LOXHD1: variants seen among roughly 807,000 people sequenced by gnomAD.
LOXHD1 encodes the protein lipoxygenase homology domain-containing protein 1.
A neutral mutation model predicts 248.2 loss-of-function variants in LOXHD1; 205 were observed. That is an observed-to-expected ratio of 0.83 (90% CI 0.74 to 0.93). LOXHD1 has a LOEUF of 0.93. Ranked by LOEUF, LOXHD1 falls within the 40% of genes least tolerant of loss-of-function variation. LOXHD1 has a pLI of 0.00. For missense variants in LOXHD1, 2,930 were observed against 2,971.6 expected, an observed-to-expected ratio of 0.99 and a Z score of 0.33; for synonymous variants, 1,113 against 1,162.8, an observed-to-expected ratio of 0.96 and a Z score of 0.87.
chr18:46,555,609 C>T (rs1172114458), intron 21 of LOXHD1, among the ~76,000 whole-genome samples: 1 of 152,156 alleles, frequency 6.6e-6, no homozygotes, highest in African/African-American at 2.4e-5. Flanking sequence ...GTGCCCATTA[C>T]ATTCTAGGCA....
chr18:46,579,972 T>C (rs2037933097), intron 12 of LOXHD1, among the ~76,000 whole-genome samples, 188 bp from the exon 13 acceptor site: 1 of 152,222 alleles, frequency 6.6e-6, no homozygotes, highest in African/African-American at 2.4e-5. Flanking sequence ...TCCCCAAGTC[T>C]CTTGGCCTAG....
Position 46,533,244 on chromosome 18 carries a change from A to G in LOXHD1, c.4293T>C (p.Val1431=), listed in dbSNP as rs1303288995. 6.4e-7 allele frequency: 1 copy of G among 1,551,750 alleles called. No individual in the cohort carries two copies. Among genetic ancestry groups the G allele is most frequent in the East Asian group, 2.4e-5 (1 of 40,916 alleles). The change falls in exon 28 of 41, where the codon GTT becomes GTC. Residue 1431 remains valine, a synonymous_variant. Coordinates refer to ENST00000642948, the MANE Select transcript of LOXHD1 (RefSeq NM_001384474.1). ...ATTTCTCAGTGAAGATGTCATATGGAACCAGTTCTCGAATGGTCTTTTTGT... is the reference window on the plus strand; with the variant it reads ...ATTTCTCAGTGAAGATGTCATATGGGACCAGTTCTCGAATGGTCTTTTTGT... The part of the protein sequence containing the change: ...EDDKKTIREL[V]PYDIFTEKYM...
intron 12 of LOXHD1, among the ~76,000 whole-genome samples, chr18:46,584,154 G>T (rs1196168800): frequency 6.6e-6 from 1 of 152,028 alleles, no homozygotes; most frequent in African/African-American, 2.4e-5. Flanking sequence ...AAAAGAGAGA[G>T]AGAGATAAGT....
At chr18:46,655,630 GC>G (rs1176837445) in intron 1 of LOXHD1, among the ~76,000 whole-genome samples, 7 of 152,092 alleles carry the variant, frequency 4.6e-5, no homozygotes, top group Non-Finnish European at 7.4e-5. Flanking sequence ...TCCTACTACA[GC>G]CCCCCCTTCT....
intron 28 of LOXHD1, among the ~76,000 whole-genome samples, chr18:46,532,899 T>C (rs1176409700): frequency 6.6e-6 from 1 of 152,224 alleles, no homozygotes; most frequent in Non-Finnish European, 1.5e-5. Context: ...ATTATCCCAA[T>C]GTCAGACCAG....
At chr18:46,523,810 A>G (rs2035695755) in intron 31 of LOXHD1, among the ~76,000 whole-genome samples, 1 of 152,064 alleles carries the variant, frequency 6.6e-6, no homozygotes, top group African/African-American at 2.4e-5. Context: ...ACAGAGTGAA[A>G]AGGTAAACTG....
intron 7 of LOXHD1, 40 bp downstream of exon 7, chr18:46,604,066 G>A (rs1267607296): frequency 1.3e-6 from 2 of 1,550,690 alleles, no homozygotes; most frequent in Non-Finnish European, 1.7e-6. Flanking sequence ...TAGGCAGAAA[G>A]TGAAATACCC....
chr18:46,635,415 G>A (rs749493168), intron 4 of LOXHD1, among the ~76,000 whole-genome samples: 54 of 152,146 alleles, frequency 3.5e-4, no homozygotes, highest in Non-Finnish European at 7.3e-4. Context: ...TACGCAAGGG[G>A]CAGGCAGAAA....
At chr18:46,649,357 A>C in intron 1 of LOXHD1, 88 bp from the exon 2 acceptor site, 1 of 1,138,618 alleles carries the variant, frequency 8.8e-7, no homozygotes, top group Non-Finnish European at 1.3e-6. Context: ...CTTGCTGGGG[A>C]GGCCCAAGCA....
At position 46,518,113 on chromosome 18, in the gene LOXHD1, G is replaced by T. The variant is rs2144083432; in HGVS notation, c.5399+16C>A. 6.4e-7 allele frequency: 1 copy of T among 1,551,030 alleles called. No individual in the cohort carries two copies. The highest frequency in any genetic ancestry group is 8.7e-7 in the Non-Finnish European group (1 of 1,146,958). On this transcript the variant is annotated intron_variant, in intron 34 of 40. Transcript: ENST00000642948. ...GAATGTGGGAGGGGTGAGGGGCAGG[G>T]GCCGCCTCCAGGTACCTGGCTTTCT...
intron 4 of LOXHD1, 101 bp downstream of exon 4, chr18:46,639,515 A>C: frequency 6.0e-6 from 8 of 1,341,008 alleles, no homozygotes; most frequent in Non-Finnish European, 8.1e-6. Flanking sequence ...TGCCAAGATG[A>C]GGTAGGTGAG....
Position 46,534,331 on chromosome 18 carries a change from T to C in LOXHD1, c.4212+4A>G, listed in dbSNP as rs2036210782. ...ACAGCAGGACAGACCAGTCAACAAC[T>C]CACGTCTTTATCCGGGAGGAGCCTG... On this transcript the variant is annotated splice_donor_region_variant and intron_variant, in intron 27 of 40. Transcript: ENST00000642948. The C allele has an allele frequency of 1.9e-6, 3 of 1,548,018 alleles. No homozygotes were observed. Among genetic ancestry groups the C allele is most frequent in the Middle Eastern group, 3.4e-4 (2 of 5,930 alleles).
intron 6 of LOXHD1, among the ~76,000 whole-genome samples, chr18:46,604,595 G>A (rs1440951653): frequency 1.3e-5 from 2 of 152,204 alleles, no homozygotes; most frequent in Admixed American, 1.3e-4. Flanking sequence ...GTCCTCACAG[G>A]CTGAAGGTTG....
chr18:46,548,450 G>A (rs2036943999), intron 21 of LOXHD1, among the ~76,000 whole-genome samples: 1 of 152,202 alleles, frequency 6.6e-6, no homozygotes, highest in Non-Finnish European at 1.5e-5. Context: ...CAGATGGGGT[G>A]CTGAGGGGGG....
At position 46,592,206 on chromosome 18, in the gene LOXHD1, G is replaced by A. The variant is rs372202722; in HGVS notation, c.1519-138C>T. 1.1e-4 allele frequency: 130 copies of A among 1,220,206 alleles called. No individual in the cohort carries two copies. In the African/African-American group the frequency reaches 1.2e-3, roughly 12 times the overall value. The allele number at this position is 1,220,206 out of a possible 1,614,324, so 75.6% of individuals were successfully genotyped here. On this transcript the variant is annotated intron_variant, in intron 11 of 40. Transcript: ENST00000642948. ...TAATCCTTATGGCAGGCAGAGGGCC[G>A]GATTAGTATTTGTTCCTGGTTTCCT...
chr18:46,555,827 G>T (rs2037304587), intron 21 of LOXHD1, among the ~76,000 whole-genome samples: 1 of 152,054 alleles, frequency 6.6e-6, no homozygotes, highest in Non-Finnish European at 1.5e-5. Flanking sequence ...GACTGATTAT[G>T]GGGCTGTGGC....
rs575533159 is a variant in LOXHD1, at chr18:46,654,586, T to C, written c.130+2318A>G. Among the ~76,000 whole-genome samples the C allele has an allele frequency of 5.9e-5, 9 of 152,300 alleles. No homozygotes were observed. In the South Asian group the frequency reaches 1.9e-3, roughly 32 times the overall value. On this transcript the variant is annotated intron_variant, in intron 1 of 40. Coordinates refer to ENST00000642948, the MANE Select transcript of LOXHD1 (RefSeq NM_001384474.1). ...CTCTGGTTATTGGGGAATCCCAGGG[T>C]AGCCAGAAGGTAGCCTAAGAAGAGA...
At position 46,485,135 on chromosome 18, in the gene LOXHD1, T is replaced by A; in HGVS notation, c.6066A>T (p.Ile2022=). Residue 2022 remains isoleucine, a synonymous_variant, in exon 39 of 41, where the codon ATA becomes ATT. Coordinates refer to ENST00000642948, the MANE Select transcript of LOXHD1 (RefSeq NM_001384474.1). ...TGGTTTCGCCTCCGTTGCCCGTTTCTATGACGATCTCGTAGGCTGTAATGG... is the reference window on the plus strand; with the variant it reads ...TGGTTTCGCCTCCGTTGCCCGTTTCAATGACGATCTCGTAGGCTGTAATGG... The part of the protein sequence containing the change: ...ELEETTYEIV[I]ETGNGGETRE... The A allele has an allele frequency of 6.5e-7, 1 of 1,549,742 alleles. No individual in the cohort carries two copies. Among genetic ancestry groups the A allele is most frequent in the Non-Finnish European group, 8.7e-7 (1 of 1,146,468 alleles).
intron 38 of LOXHD1, 77 bp from the exon 39 acceptor site, chr18:46,485,228 G>C: frequency 6.7e-7 from 1 of 1,498,250 alleles, no homozygotes; most frequent in Non-Finnish European, 9.0e-7. Flanking sequence ...AGAGGGTCAC[G>C]GCCTCCGGTC....
Sources: gnomAD v4.1 joint callset for allele counts (sites outside exome capture counted in the v4.1 genomes callset) on GRCh38, gnomAD v4.1.1 for gene constraint, MANE v1.5 for transcripts, NCBI Gene and HGNC (gene_info 2026-07-23, HGNC 2026-07-21) for gene names.